The following OAS3 variants were observed in gnomAD, a reference collection of about 807,000 sequenced individuals.
OAS3 encodes the protein 2'-5'-oligoadenylate synthase 3.
In OAS3, 107 loss-of-function variants were observed where a neutral mutation model predicts 113.0. That is an observed-to-expected ratio of 0.95 (90% CI 0.81 to 1.11). The LOEUF (loss-of-function observed/expected upper bound fraction) is 1.11. Among genes scored for constraint, OAS3 ranks in the 50% most tolerant of loss-of-function variants. The pLI, the probability that OAS3 is intolerant of heterozygous loss-of-function variation, is 0.00. For synonymous variants in OAS3, 552 were observed against 573.6 expected, an observed-to-expected ratio of 0.96 and a Z score of 0.54; for missense variants, 1,258 against 1,389.1, an observed-to-expected ratio of 0.91 and a Z score of 1.50.
At position 112,944,589 on chromosome 12, in the gene OAS3, G is replaced by A. The variant is rs758917979; in HGVS notation, c.574G>A (p.Val192Met). 2 of 1,614,066 alleles carry A rather than the reference G, an allele frequency of 1.2e-6. No individual in the cohort carries two copies. Among genetic ancestry groups the A allele is most frequent in the South Asian group, 2.2e-5 (2 of 91,086 alleles). The change falls in exon 3 of 16, where the codon GTG becomes ATG. Residue 192 changes from valine (V) to methionine (M), a missense_variant. Physicochemically the swap from Val to Met is conservative, Grantham distance 21. Coordinates refer to ENST00000228928, the MANE Select transcript of OAS3 (RefSeq NM_006187.4). The stretch of plus-strand genomic sequence containing the variant: ...CTTCACAGAGCTGCGGAGGAACTTT[G>A]TGAACATTCGCCCAGCCAAGTTGAA... ...ACFTELRRNF[V>M]NIRPAKLKNL...
In OAS3 at chr12:112,967,987, G is replaced by T. The variant is rs778957105; in HGVS notation, c.2917G>T (p.Glu973Ter). Residue 973 changes from glutamate to a stop codon, truncating the protein, a stop_gained, in exon 14 of 16, where the codon GAA becomes TAA. Coordinates refer to ENST00000228928, the MANE Select transcript of OAS3 (RefSeq NM_006187.4). LOFTEE classifies it high-confidence loss of function. Reference sequence around the variant, plus strand: ...CTCCCTACCCCCACAGCACGGGCTGGAACTCCTGACTGTGTATGCCTGGGA... The same window carrying T: ...CTCCCTACCCCCACAGCACGGGCTGTAACTCCTGACTGTGTATGCCTGGGA... Reference protein sequence around the residue: ...RGSLPPQHGLELLTVYAWEQG... With the variant: ...RGSLPPQHGL 1.2e-6 allele frequency: 2 copies of T among 1,613,984 alleles called. No individual in the cohort carries two copies. Among genetic ancestry groups the T allele is most frequent in the South Asian group, 2.2e-5 (2 of 91,076 alleles).
At position 112,969,512 on chromosome 12, in the gene OAS3, A is replaced by C. The variant is rs559593336; in HGVS notation, c.3105-96A>C. On this transcript the variant is annotated intron_variant, in intron 14 of 15. Coordinates refer to ENST00000228928, the MANE Select transcript of OAS3 (RefSeq NM_006187.4). ...CTGAGCCCTGGCTCTAGCCCCTGCA[A>C]AGTGTTAGATAAAAGGGGAAAATAG... 2.8e-5 allele frequency: 40 copies of C among 1,430,940 alleles called. No homozygotes were observed. In the African/African-American group the frequency reaches 5.1e-4, roughly 18 times the overall value. 88.6% of individuals were successfully genotyped at this position (1,430,940 alleles called of 1,614,324 possible). A position where few individuals can be genotyped will look rare whatever the true frequency, so the allele number is the denominator to read the frequency against.
chr12:112,962,755 AG>A lies in OAS3; in HGVS notation c.1939del (p.Asp647IlefsTer37). On this transcript the variant is annotated frameshift_variant, in exon 9 of 16. Coordinates refer to ENST00000228928, the MANE Select transcript of OAS3 (RefSeq NM_006187.4). LOFTEE classifies it high-confidence loss of function. Reference protein sequence around the residue: ...TIFAWEQGCRQDCFNMAQGFR... With the variant: ...TIFAWEQGCRXDCFNMAQGFR... ...TTTGCCTGGGAGCAGGGCTGCAGGC[AG>A]GATTGTTTCAACATGGCCCAAGGCT... 6.2e-7 allele frequency: 1 copy of A among 1,614,030 alleles called. No homozygotes were observed. Among genetic ancestry groups the A allele is most frequent in the Non-Finnish European group, 8.5e-7 (1 of 1,179,894 alleles).
At chr12:112,956,173 G>A (rs931822814) in intron 7 of OAS3, among the ~76,000 whole-genome samples, 6 of 152,012 alleles carry the variant, frequency 3.9e-5, no homozygotes, top group African/African-American at 7.2e-5. Context: ...CTGTGTAATC[G>A]GTGGTGATAT....
intron 5 of OAS3, 133 bp from the exon 6 acceptor site, chr12:112,948,728 G>A (rs1283533393): frequency 1.0e-5 from 7 of 701,596 alleles, no homozygotes; most frequent in Non-Finnish European, 1.7e-5. Flanking sequence ...CGTTAGCCAT[G>A]GCCCTCCCAC....
rs1240825218 is a variant in OAS3, at chr12:112,972,947, T to C, written c.*2974T>C. ...TAAAAAGTTTTTATTGAGATACAAG[T>C]CAATACCATAAAGCTCTCACCCTTC... is the stretch of plus-strand genomic sequence containing the variant. On this transcript the variant is annotated 3_prime_UTR_variant, in exon 16 of 16. Transcript: ENST00000228928. The C allele has an allele frequency of 6.6e-6, 1 of 151,844 alleles. No individual in the cohort carries two copies. Among genetic ancestry groups the C allele is most frequent in the African/African-American group, 2.4e-5 (1 of 41,276 alleles). The allele number at this position is 151,844 out of a possible 1,614,324, so 9.4% of individuals were successfully genotyped here. A position where few individuals can be genotyped will look rare whatever the true frequency, so the allele number is the denominator to read the frequency against.
rs369470156 is a variant in OAS3, at chr12:112,950,891, C to T, written c.1573C>T (p.Pro525Ser). 1 of 1,614,020 alleles carries T rather than the reference C, an allele frequency of 6.2e-7. No individual in the cohort carries two copies. The highest frequency in any genetic ancestry group is 8.5e-7 in the Non-Finnish European group (1 of 1,179,892). The change falls in exon 7 of 16, where the codon CCT becomes TCT. Residue 525 changes from proline to serine, a missense_variant. Pro to Ser is a moderately conservative substitution (Grantham distance 74). Transcript: ENST00000228928. ...LSLQFPEQNV[P>S]EALQFQLVST... ...CCTTCAGTTTCCTGAGCAGAATGTG[C>T]CTGAGGCTCTGCAGTTCCAGCTGGT...
chr12:112,946,255 G>A (rs2043727546), intron 3 of OAS3, among the ~76,000 whole-genome samples: 1 of 152,044 alleles, frequency 6.6e-6, no homozygotes, highest in South Asian at 2.1e-4. Context: ...CTGGTACGTG[G>A]AGATCCCAAG....
chr12:112,967,476 C>T lies in OAS3; in HGVS notation c.2748C>T (p.Ser916=). ...SSQVYVDLIH[S]YSNAGEYSTC... is the part of the protein sequence containing the mutation. The stretch of plus-strand genomic sequence containing the variant: ...AAGTCTACGTCGACCTCATCCACAG[C>T]TACAGCAATGCGGGCGAGTACTCCA... Residue 916 remains serine, a synonymous_variant, in exon 13 of 16, where the codon AGC becomes AGT. Coordinates refer to ENST00000228928, the MANE Select transcript of OAS3 (RefSeq NM_006187.4). 1 of 1,613,710 alleles carries T rather than the reference C, an allele frequency of 6.2e-7. No individual in the cohort carries two copies. Among genetic ancestry groups the T allele is most frequent in the Non-Finnish European group, 8.5e-7 (1 of 1,179,780 alleles).
chr12:112,968,823 G>A (rs1410578638), intron 14 of OAS3, among the ~76,000 whole-genome samples: 3 of 152,138 alleles, frequency 2.0e-5, no homozygotes, highest in African/African-American at 7.2e-5. Flanking sequence ...CCTTGTATTT[G>A]TATTTGTTAA....
At chr12:112,946,100 A>T (rs967873523) in intron 3 of OAS3, among the ~76,000 whole-genome samples, 45 of 151,960 alleles carry the variant, frequency 3.0e-4, no homozygotes, top group African/African-American at 1.1e-3. Context: ...CATGTTTGTC[A>T]CCCCAGAGAG....
intron 15 of OAS3, 82 bp downstream of exon 15, chr12:112,969,837 A>G (rs2043968627): frequency 2.5e-6 from 4 of 1,592,978 alleles, no homozygotes; most frequent in Non-Finnish European, 1.7e-6. Flanking sequence ...GATTCCCACT[A>G]AAGGGGCAGG....
At chr12:112,969,853 G>A in intron 15 of OAS3, 98 bp downstream of exon 15, 8 of 1,587,388 alleles carry the variant, frequency 5.0e-6, no homozygotes, top group Non-Finnish European at 6.9e-6. Context: ...GCAGGGCCCA[G>A]TGATGGCCCC....
chr12:112,950,874 T>G lies in OAS3; in HGVS notation c.1556T>G (p.Phe519Cys). The G allele has an allele frequency of 6.2e-7, 1 of 1,614,004 alleles. No individual in the cohort carries two copies. Among genetic ancestry groups the G allele is most frequent in the Non-Finnish European group, 8.5e-7 (1 of 1,179,878 alleles). The part of the protein sequence containing the change: ...QDQVPSLSLQ[F>C]PEQNVPEALQ... ...CAGGTGCCCAGCCTGAGCCTTCAGT[T>G]TCCTGAGCAGAATGTGCCTGAGGCT... Residue 519 changes from phenylalanine to cysteine, a missense_variant, in exon 7 of 16, where the codon TTT (phenylalanine) becomes TGT (cysteine). Physicochemically the swap from Phe to Cys is radical, Grantham distance 205. Coordinates refer to ENST00000228928, the MANE Select transcript of OAS3 (RefSeq NM_006187.4).
chr12:112,967,118 ATAAG>A (rs1435181853), intron 12 of OAS3, among the ~76,000 whole-genome samples: 1 of 152,232 alleles, frequency 6.6e-6, no homozygotes, highest in East Asian at 1.9e-4. Flanking sequence ...AGACAGAAAG[ATAAG>A]TAAGTATTAG....
intron 11 of OAS3, 73 bp from the exon 12 acceptor site, chr12:112,965,671 T>C: frequency 9.1e-6 from 13 of 1,433,272 alleles, no homozygotes; most frequent in Non-Finnish European, 1.2e-5. Flanking sequence ...CAGTAGGTTT[T>C]CTAACTCACA....
intron 1 of OAS3, among the ~76,000 whole-genome samples, chr12:112,941,347 C>T (rs1340669735): frequency 1.3e-5 from 2 of 152,168 alleles, no homozygotes; most frequent in Non-Finnish European, 2.9e-5. Flanking sequence ...GAACAAGACC[C>T]TGTTTCTATG....
rs1013624094 is a variant in OAS3 at position 112,963,014 on chromosome 12, C to T, written c.2084+112C>T. 2.1e-6 allele frequency: 3 copies of T among 1,424,524 alleles called. No individual in the cohort carries two copies. The highest frequency in any genetic ancestry group is 2.9e-6 in the Non-Finnish European group (3 of 1,038,688). The allele number at this position is 1,424,524 out of a possible 1,614,324, so 88.2% of individuals were successfully genotyped here. A position where few individuals can be genotyped will look rare whatever the true frequency, so the allele number is the denominator to read the frequency against. On this transcript the variant is annotated intron_variant, in intron 9 of 15. Coordinates refer to ENST00000228928, the MANE Select transcript of OAS3 (RefSeq NM_006187.4). This position sits in a 1 kb window ranked among gnomAD's most constrained non-coding sequence, Gnocchi z 4.6. Reference sequence around the variant, plus strand: ...GGTAGGGTTTGGGGTGGCAATCCCACTCCTCACTCTGCTTCCCTCTGGACT... The same window carrying T: ...GGTAGGGTTTGGGGTGGCAATCCCATTCCTCACTCTGCTTCCCTCTGGACT...
At chr12:112,946,014 C>G (rs182495163) in intron 3 of OAS3, among the ~76,000 whole-genome samples, 2 of 152,180 alleles carry the variant, frequency 1.3e-5, no homozygotes, top group East Asian at 3.9e-4. Flanking sequence ...TTAATTAATA[C>G]AACTATGGAG....
Sources: allele counts gnomAD v4.1 joint callset (sites outside exome capture counted in the v4.1 genomes callset), GRCh38; gene constraint gnomAD v4.1.1; non-coding constraint Gnocchi (gnomAD v3.1); transcripts MANE v1.5; gene names NCBI Gene and HGNC (gene_info 2026-07-23, HGNC 2026-07-21).